NEK1: variants seen among roughly 807,000 people sequenced by gnomAD.
NEK1 encodes serine/threonine-protein kinase Nek1.
A neutral mutation model predicts 182.1 loss-of-function variants in NEK1; 137 were observed. The ratio of observed to expected loss-of-function variants is 0.75; its 90% CI spans 0.65 to 0.87. The LOEUF is 0.87. NEK1 is among the 40% of genes least tolerant of loss of function. The probability of loss-of-function intolerance (pLI) is 0.00; values close to 1 mark genes in which losing one functional copy is unlikely to be tolerated. For missense variants in NEK1, 1,391 were observed against 1,494.4 expected (o/e 0.93, Z 1.14); for synonymous variants, 513 against 492.2 (o/e 1.04, Z -0.56).
At chr4:169,587,468 A>C (rs1767725893) in intron 9 of NEK1, 91 bp downstream of exon 9, 1 of 705,798 alleles carries the variant, frequency 1.4e-6, no homozygotes, top group African/African-American at 1.9e-5. Flanking sequence ...GATGAGGGTT[A>C]CCTGAAAGAT....
At chr4:169,408,670 T>C (rs138294521) in intron 31 of NEK1, among the ~76,000 whole-genome samples, 1 of 152,164 alleles carries the variant, frequency 6.6e-6, no homozygotes, top group Non-Finnish European at 1.5e-5. Context: ...ATCACTCTTA[T>C]GCCTTTGGGT....
chr4:169,411,639 A>G (rs1305633981), intron 31 of NEK1, among the ~76,000 whole-genome samples: 3 of 152,134 alleles, frequency 2.0e-5, no homozygotes, highest in African/African-American at 7.2e-5. Context: ...ACTGACTTTT[A>G]TGTCATTTTA....
rs367602910 is a variant in NEK1 at position 169,401,767 on chromosome 4, T to C, written c.3468A>G (p.Glu1156=). The C allele has an allele frequency of 1.2e-6, 2 of 1,613,830 alleles. No homozygotes were observed. Among genetic ancestry groups the C allele is most frequent in the African/African-American group, 2.7e-5 (2 of 74,936 alleles). ...REQPGEEYSE[E]EESVLKNSDV... is the part of the protein sequence containing the mutation. Reference sequence around the variant, plus strand: ...CACTGTTCTTCAAGACTGACTCTTCTTCTTCACTGTATTCTTCACCAGGTT... The same window carrying C: ...CACTGTTCTTCAAGACTGACTCTTCCTCTTCACTGTATTCTTCACCAGGTT... The change falls in exon 33 of 36, where the codon GAA becomes GAG. Residue 1156 remains glutamate (E), a synonymous_variant. Transcript: ENST00000507142.
intron 26 of NEK1, among the ~76,000 whole-genome samples, chr4:169,468,235 G>A (rs566404390): frequency 2.0e-5 from 3 of 152,060 alleles, no homozygotes; most frequent in Non-Finnish European, 4.4e-5. Context: ...GAATACAAAC[G>A]ATTAGAGTCT....
intron 19 of NEK1, among the ~76,000 whole-genome samples, chr4:169,521,011 T>G (rs1265321942): frequency 1.4e-5 from 1 of 70,602 alleles, no homozygotes; most frequent in African/African-American, 5.5e-5. Context: ...CAGGCAGGCC[T>G]CCTTGAGCTG....
At chr4:169,570,152 T>C (rs1489214634) in intron 12 of NEK1, among the ~76,000 whole-genome samples, 1 of 146,866 alleles carries the variant, frequency 6.8e-6, no homozygotes, top group African/African-American at 2.6e-5. Flanking sequence ...CCGCCCCGTC[T>C]GGGATGTGAG....
chr4:169,499,221 G>A (rs1050996917), intron 23 of NEK1, among the ~76,000 whole-genome samples: 7 of 152,120 alleles, frequency 4.6e-5, no homozygotes, highest in African/African-American at 7.2e-5. Flanking sequence ...CATTCGTCAC[G>A]TAGTTCTTGT....
At chr4:169,421,456 T>A (rs936869944) in intron 31 of NEK1, among the ~76,000 whole-genome samples, 7 of 152,194 alleles carry the variant, frequency 4.6e-5, no homozygotes, top group African/African-American at 1.4e-4. Flanking sequence ...TCTGGAATTG[T>A]AATCCCCAAG....
intron 16 of NEK1, among the ~76,000 whole-genome samples, chr4:169,558,197 G>C (rs1310453712): frequency 6.6e-6 from 1 of 152,052 alleles, no homozygotes; most frequent in Non-Finnish European, 1.5e-5. Context: ...TTTCTCTTTA[G>C]CAAAAACAAA....
chr4:169,486,238 T>C (rs1749020911), intron 23 of NEK1, among the ~76,000 whole-genome samples: 1 of 152,198 alleles, frequency 6.6e-6, no homozygotes, highest in Admixed American at 6.5e-5. Context: ...CTTTTCAACA[T>C]TGCTTTTATT....
chr4:169,575,519 C>G (rs116651064), intron 12 of NEK1, among the ~76,000 whole-genome samples: 1,645 of 152,296 alleles, frequency 0.011, 28 homozygotes, highest in African/African-American at 0.037. Context: ...TGAGTTTCAG[C>G]AGCACCTGCA....
At chr4:169,400,677 T>G in intron 33 of NEK1, 26 bp from the exon 34 acceptor site, 1 of 1,523,002 alleles carries the variant, frequency 6.6e-7, no homozygotes, top group Non-Finnish European at 8.9e-7. Flanking sequence ...AAAATAGAGA[T>G]TTGATTTAAA....
At chr4:169,552,936 A>G (rs970516967) in intron 18 of NEK1, among the ~76,000 whole-genome samples, 4 of 152,202 alleles carry the variant, frequency 2.6e-5, no homozygotes, top group Non-Finnish European at 5.9e-5. Flanking sequence ...CATCAAAGAT[A>G]TATTTCAGGT....
chr4:169,570,225 C>T (rs180728433), intron 12 of NEK1, among the ~76,000 whole-genome samples: 12,412 of 149,702 alleles, frequency 0.083, 528 homozygotes, highest in African/African-American at 0.15. Flanking sequence ...CTGGCCGCCC[C>T]GTCTGAGAAG....
chr4:169,561,309 T>G (rs146454201), intron 16 of NEK1, among the ~76,000 whole-genome samples, 171 bp downstream of exon 16: 1 of 152,106 alleles, frequency 6.6e-6, no homozygotes, highest in African/African-American at 2.4e-5. Context: ...AAGTTACATA[T>G]CAGATACATG....
chr4:169,488,401 G>T (rs1245130504), intron 23 of NEK1, among the ~76,000 whole-genome samples: 1 of 152,140 alleles, frequency 6.6e-6, no homozygotes, highest in African/African-American at 2.4e-5. Context: ...TGACTAGCCA[G>T]TTCTCCCAGC....
intron 27 of NEK1, among the ~76,000 whole-genome samples, chr4:169,443,103 C>CTA (rs1450156660): frequency 2.7e-5 from 4 of 149,184 alleles, no homozygotes; most frequent in Non-Finnish European, 4.5e-5. Context: ...ATCTATCTAT[C>CTA]TCATAATTTG....
At chr4:169,495,794 T>A (rs1253162563) in intron 23 of NEK1, among the ~76,000 whole-genome samples, 2 of 152,244 alleles carry the variant, frequency 1.3e-5, no homozygotes, top group Non-Finnish European at 2.9e-5. Flanking sequence ...CATGCTGTTT[T>A]GGTTACTGTA....
intron 16 of NEK1, among the ~76,000 whole-genome samples, chr4:169,560,079 G>A (rs1472876537): frequency 1.3e-5 from 2 of 152,194 alleles, no homozygotes; most frequent in African/African-American, 4.8e-5. Flanking sequence ...ATCTTCTATT[G>A]CTGTATAACA....
Sources: gnomAD v4.1 joint callset for allele counts (sites outside exome capture counted in the v4.1 genomes callset) on GRCh38, gnomAD v4.1.1 for gene constraint, MANE v1.5 for transcripts, NCBI Gene and HGNC (gene_info 2026-07-23, HGNC 2026-07-21) for gene names.